MACROD2: variants seen among roughly 807,000 people sequenced by gnomAD.
The protein encoded by MACROD2 is ADP-ribose glycohydrolase MACROD2.
Under a neutral mutation model 70.4 loss-of-function variants are expected in MACROD2, and 36 were observed. That is an observed-to-expected ratio of 0.51 (90% CI 0.39 to 0.68). The LOEUF (loss-of-function observed/expected upper bound fraction) is 0.68, where lower values mean the gene tolerates loss of function less well. MACROD2 is among the 30% of genes least tolerant of loss of function. The probability of loss-of-function intolerance (pLI) is 0.00; values close to 1 mark genes in which losing one functional copy is unlikely to be tolerated. For missense variants in MACROD2, 496 were observed against 538.4 expected, an observed-to-expected ratio of 0.92 and a Z score of 0.78; for synonymous variants, 172 against 178.8, an observed-to-expected ratio of 0.96 and a Z score of 0.30.
At position 15,478,969 on chromosome 20, in the gene MACROD2, A is replaced by T. The variant is rs1396499901; in HGVS notation, c.572-20805A>T. Reference sequence around the variant, plus strand: ...TTAGCAGATAAATCAACACAAAAAGAGATGAACATTGCAGGCAGTGCTGAT... The same window carrying T: ...TTAGCAGATAAATCAACACAAAAAGTGATGAACATTGCAGGCAGTGCTGAT... On this transcript the variant is annotated intron_variant, in intron 7 of 17. Coordinates refer to ENST00000684519, the MANE Select transcript of MACROD2 (RefSeq NM_001351661.2). Among the ~76,000 whole-genome samples, 4 of 152,242 alleles carry T rather than the reference A, an allele frequency of 2.6e-5. 1 individual carries two copies. The highest frequency in any genetic ancestry group is 2.6e-4 in the Admixed American group (4 of 15,290).
intron 12 of MACROD2, among the ~76,000 whole-genome samples, chr20:15,948,070 G>C (rs541960196): frequency 3.3e-5 from 5 of 152,016 alleles, no homozygotes; most frequent in South Asian, 4.2e-4. Flanking sequence ...CTGTTGAGAG[G>C]GGGGACTGAG....
At chr20:15,904,659 G>A (rs193128120) in intron 10 of MACROD2, among the ~76,000 whole-genome samples, 53 of 152,042 alleles carry the variant, frequency 3.5e-4, no homozygotes, top group Non-Finnish European at 5.6e-4. Context: ...TTGGGAGGCC[G>A]AGGTGGCCAG....
intron 6 of MACROD2, among the ~76,000 whole-genome samples, chr20:15,241,940 G>A (rs2077063648): frequency 6.6e-6 from 1 of 152,076 alleles, no homozygotes; most frequent in African/African-American, 2.4e-5. Flanking sequence ...TTAGGTTCAG[G>A]CTTTATTTTT....
chr20:14,402,929 T>C (rs1430094302), intron 3 of MACROD2, among the ~76,000 whole-genome samples: 1 of 152,158 alleles, frequency 6.6e-6, no homozygotes, highest in East Asian at 1.9e-4. Flanking sequence ...GCTACTTGCA[T>C]GGGTAATAGA....
chr20:15,351,194 C>T (rs1164832095), intron 6 of MACROD2, among the ~76,000 whole-genome samples: 2 of 152,094 alleles, frequency 1.3e-5, no homozygotes, highest in African/African-American at 4.8e-5. Context: ...TACACTATGA[C>T]ACAAGAGGGC....
chr20:15,258,587 A>C (rs2077220468), intron 6 of MACROD2, among the ~76,000 whole-genome samples: 1 of 152,090 alleles, frequency 6.6e-6, no homozygotes, highest in Admixed American at 6.6e-5. Flanking sequence ...AGTAGGCTAC[A>C]CCATCTAGGT....
intron 4 of MACROD2, among the ~76,000 whole-genome samples, chr20:14,651,299 A>C (rs1985667967): frequency 6.6e-6 from 1 of 152,128 alleles, no homozygotes; most frequent in Non-Finnish European, 1.5e-5. Flanking sequence ...GGAGTTCAAC[A>C]GGTCAAGAAG....
intron 3 of MACROD2, among the ~76,000 whole-genome samples, chr20:14,122,683 C>T (rs2148693451): frequency 6.6e-6 from 1 of 152,254 alleles, no homozygotes; most frequent in South Asian, 2.1e-4. Context: ...TTCTTTGCTT[C>T]TGGGAATAGT....
intron 5 of MACROD2, among the ~76,000 whole-genome samples, chr20:15,203,247 G>A (rs175223): frequency 0.64 from 96,670 of 151,994 alleles, 32,151 homozygotes; most frequent in African/African-American, 0.82. Flanking sequence ...TAAATGAGAC[G>A]GACAAGACAA....
intron 6 of MACROD2, among the ~76,000 whole-genome samples, chr20:15,421,076 G>A (rs901068539): frequency 6.1e-4 from 93 of 152,122 alleles, no homozygotes; most frequent in African/African-American, 1.9e-3. Context: ...ATAGAGTGCC[G>A]TCCTTCCTCT....
At chr20:15,420,231 A>C (rs764766282) in intron 6 of MACROD2, among the ~76,000 whole-genome samples, 1 of 152,236 alleles carries the variant, frequency 6.6e-6, no homozygotes, top group Non-Finnish European at 1.5e-5. Context: ...AAAAAGTTTG[A>C]AAGAGGGCTG....
intron 8 of MACROD2, among the ~76,000 whole-genome samples, chr20:15,711,146 G>A (rs2050619956): frequency 6.6e-6 from 1 of 152,116 alleles, no homozygotes; most frequent in Admixed American, 6.5e-5. Flanking sequence ...ACAGGTAATC[G>A]GTAAATAGGC....
intron 6 of MACROD2, among the ~76,000 whole-genome samples, chr20:15,323,552 G>A (rs1425072722): frequency 1.3e-5 from 2 of 151,996 alleles, no homozygotes; most frequent in Non-Finnish European, 2.9e-5. Context: ...CTATTTCTTT[G>A]CAAATATTTC....
chr20:16,034,909 T>C (rs2067202701), intron 15 of MACROD2, among the ~76,000 whole-genome samples: 1 of 151,300 alleles, frequency 6.6e-6, no homozygotes, highest in African/African-American at 2.4e-5. Context: ...GAACATACGA[T>C]CTTTGGTTCT....
chr20:15,551,348 A>C (rs1034848721), intron 8 of MACROD2, among the ~76,000 whole-genome samples: 5 of 151,880 alleles, frequency 3.3e-5, no homozygotes, highest in Non-Finnish European at 7.4e-5. Flanking sequence ...AAAAAAAAAA[A>C]AAAACTACAT....
At chr20:15,571,155 T>A (rs2048372059) in intron 8 of MACROD2, among the ~76,000 whole-genome samples, 1 of 152,198 alleles carries the variant, frequency 6.6e-6, no homozygotes, top group Non-Finnish European at 1.5e-5. Context: ...TACTTTTTAC[T>A]GAAGCCACTA....
At chr20:15,649,404 C>G (rs2049610480) in intron 8 of MACROD2, among the ~76,000 whole-genome samples, 1 of 151,912 alleles carries the variant, frequency 6.6e-6, no homozygotes, top group Admixed American at 6.6e-5. Flanking sequence ...CAAGAGCGCT[C>G]CAAGAGCAAA....
rs1457888610 is a variant in MACROD2, at chr20:14,393,095, G to A, written c.272-100384G>A. On this transcript the variant is annotated intron_variant, in intron 3 of 17. Transcript: ENST00000684519. The stretch of plus-strand genomic sequence containing the variant: ...AGCTTTTTAGACCCGAGAAAGTGGA[G>A]AGATATAAGAGAGAGATTATCATTA... 2.6e-5 allele frequency among the ~76,000 whole-genome samples: 4 copies of A among 152,132 alleles called. No individual in the cohort carries two copies. In the East Asian group the frequency reaches 7.7e-4, roughly 29 times the overall value.
intron 5 of MACROD2, among the ~76,000 whole-genome samples, chr20:14,743,071 AC>A (rs1303564776): frequency 6.6e-6 from 1 of 152,078 alleles, no homozygotes; most frequent in African/African-American, 2.4e-5. Flanking sequence ...CGGCCTATAA[AC>A]TTTATTTTAA....
Sources: gnomAD v4.1 joint callset for allele counts (sites outside exome capture counted in the v4.1 genomes callset) on GRCh38, gnomAD v4.1.1 for gene constraint, MANE v1.5 for transcripts, NCBI Gene and HGNC (gene_info 2026-07-23, HGNC 2026-07-21) for gene names.